Variants in ALG9 observed in about 807,000 individuals in gnomAD.
The protein encoded by ALG9 is ALG9 alpha-1,2-mannosyltransferase, also known as alpha-1,2-mannosyltransferase ALG9.
In ALG9, 55 loss-of-function variants were observed where a neutral mutation model predicts 81.8. The observed-to-expected ratio is 0.67, with a 90% CI of 0.54 to 0.84. The LOEUF (loss-of-function observed/expected upper bound fraction) is 0.84. Among genes scored for constraint, ALG9 ranks in the 40% least tolerant of loss-of-function variants. ALG9 has a pLI of 0.00. For missense variants in ALG9, 629 were observed against 745.0 expected (o/e 0.84, Z 1.81); for synonymous variants, 278 against 274.3 (o/e 1.01, Z -0.13).
intron 13 of ALG9, among the ~76,000 whole-genome samples, chr11:111,811,450 G>T (rs961410723): frequency 1.3e-5 from 2 of 151,274 alleles, no homozygotes; most frequent in African/African-American, 4.9e-5. Flanking sequence ...GGCTGAGGCA[G>T]GAGAATTGTT....
chr11:111,816,916 A>AT (rs1178579200), intron 13 of ALG9, among the ~76,000 whole-genome samples: 2 of 152,340 alleles, frequency 1.3e-5, no homozygotes, highest in East Asian at 3.9e-4. Context: ...CATATATGAA[A>AT]TGCAGAAAGT....
At chr11:111,803,703 A>G (rs2136343563) in intron 14 of ALG9, among the ~76,000 whole-genome samples, 1 of 152,346 alleles carries the variant, frequency 6.6e-6, no homozygotes, top group East Asian at 1.9e-4. Flanking sequence ...CAAAGGCAAC[A>G]CAATAAAAAA....
chr11:111,840,593 TG>T, intron 10 of ALG9, 61 bp downstream of exon 10: 1 of 1,595,268 alleles, frequency 6.3e-7, no homozygotes, highest in Non-Finnish European at 8.6e-7. Flanking sequence ...CACTTAAGTT[TG>T]TGAGCAATTA....
intron 13 of ALG9, among the ~76,000 whole-genome samples, chr11:111,825,618 G>A (rs1384924355): frequency 3.9e-5 from 6 of 152,262 alleles, no homozygotes; most frequent in South Asian, 2.1e-4. Flanking sequence ...GCTGAAGTAC[G>A]AAGAGTTTTC....
At chr11:111,855,378 G>C (rs1484973539) in intron 6 of ALG9, among the ~76,000 whole-genome samples, 8 of 152,232 alleles carry the variant, frequency 5.3e-5, no homozygotes, top group African/African-American at 1.9e-4. Context: ...ATCTGCATTT[G>C]AGGAATATAA....
At chr11:111,860,430 G>T in intron 5 of ALG9, 117 bp downstream of exon 5, 1 of 866,730 alleles carries the variant, frequency 1.2e-6, no homozygotes, top group Non-Finnish European at 2.0e-6. Flanking sequence ...ACCTACATTT[G>T]GACAAATGCT....
intron 13 of ALG9, among the ~76,000 whole-genome samples, chr11:111,833,581 T>C (rs1323347565): frequency 1.3e-5 from 2 of 152,158 alleles, no homozygotes. Flanking sequence ...CTGGAGCACT[T>C]AGCATTGAAG....
At chr11:111,868,999 G>A (rs1455506457) in intron 2 of ALG9, among the ~76,000 whole-genome samples, 6 of 151,950 alleles carry the variant, frequency 3.9e-5, no homozygotes, top group Non-Finnish European at 8.8e-5. Context: ...GTGCATGCCT[G>A]CAGTCCCAGC....
At chr11:111,770,366 T>C in the ALG9 span, among the ~76,000 whole-genome samples, 2 of 152,144 alleles carry the variant, frequency 1.3e-5, no homozygotes, top group Non-Finnish European at 2.9e-5. Context: ...TAAACAAGCA[T>C]CTGCTCAGGT....
chr11:111,773,002 G>A, the ALG9 span, among the ~76,000 whole-genome samples: 1,635 of 152,200 alleles, frequency 0.011, 47 homozygotes, highest in African/African-American at 0.038. Context: ...ACTCTGGGAG[G>A]CCGAGGCAGG....
At chr11:111,860,743 C>A in intron 4 of ALG9, 108 bp from the exon 5 acceptor site, 1 of 795,396 alleles carries the variant, frequency 1.3e-6, no homozygotes, top group Non-Finnish European at 2.0e-6. Context: ...TAAAGTCAAA[C>A]ACAAAACTAC....
the ALG9 span, among the ~76,000 whole-genome samples, chr11:111,776,222 A>T: frequency 6.6e-6 from 1 of 152,198 alleles, no homozygotes; most frequent in Admixed American, 6.5e-5. Flanking sequence ...ACATATAGTA[A>T]AGTTTAATAT....
chr11:111,813,749 G>A (rs1343767262), intron 13 of ALG9, among the ~76,000 whole-genome samples: 3 of 152,010 alleles, frequency 2.0e-5, no homozygotes, highest in Non-Finnish European at 2.9e-5. Context: ...GTGAAAATGC[G>A]TTCAACCTCA....
intron 14 of ALG9, among the ~76,000 whole-genome samples, chr11:111,790,173 A>G (rs559202514): frequency 1.1e-4 from 16 of 152,120 alleles, no homozygotes; most frequent in Non-Finnish European, 2.2e-4. Flanking sequence ...CTCTACTAAA[A>G]ATACAAAAAT....
chr11:111,774,390 AAAAC>A, the ALG9 span, among the ~76,000 whole-genome samples: 1 of 152,204 alleles, frequency 6.6e-6, no homozygotes, highest in African/African-American at 2.4e-5. Flanking sequence ...AAAACAAAAC[AAAAC>A]AAACAAAAAG....
intron 4 of ALG9, 72 bp downstream of exon 4, chr11:111,865,109 T>A (rs1381998836): frequency 1.6e-6 from 2 of 1,249,188 alleles, no homozygotes; most frequent in Non-Finnish European, 2.2e-6. Flanking sequence ...CTGCCTAGAC[T>A]ATCACAACAG....
intron 4 of ALG9, among the ~76,000 whole-genome samples, chr11:111,861,080 T>C (rs1360971002): frequency 6.6e-6 from 1 of 152,190 alleles, no homozygotes. Flanking sequence ...GAAAAGTGCT[T>C]AGGAGAGTGC....
chr11:111,812,260 C>T (rs1431100446), intron 13 of ALG9, among the ~76,000 whole-genome samples: 4 of 152,052 alleles, frequency 2.6e-5, no homozygotes, highest in Non-Finnish European at 5.9e-5. Context: ...CAAGAATAGC[C>T]AAGGCATTCT....
chr11:111,809,470 TG>T, intron 14 of ALG9, 172 bp downstream of exon 14: 3 of 695,938 alleles, frequency 4.3e-6, no homozygotes, highest in Non-Finnish European at 7.2e-6. Flanking sequence ...TCAGAGGTTG[TG>T]GGGAGTTGAG....
Sources: allele counts gnomAD v4.1 joint callset (sites outside exome capture counted in the v4.1 genomes callset), GRCh38; gene constraint gnomAD v4.1.1; transcripts MANE v1.5; gene names NCBI Gene and HGNC (gene_info 2026-07-23, HGNC 2026-07-21).